CNTNAP2: variants seen among roughly 807,000 people sequenced by gnomAD.
CNTNAP2 encodes the protein contactin associated protein 2, also known as contactin-associated protein-like 2.
Under a neutral mutation model 155.2 loss-of-function variants are expected in CNTNAP2, and 98 were observed. The ratio of observed to expected loss-of-function variants is 0.63; its 90% CI spans 0.54 to 0.75. CNTNAP2 has a LOEUF of 0.75. Among genes scored for constraint, CNTNAP2 ranks in the 30% least tolerant of loss-of-function variants. CNTNAP2 has a pLI of 0.00. For synonymous variants in CNTNAP2, 651 were observed against 631.2 expected (o/e 1.03, Z -0.47); for missense variants, 1,727 against 1,688.1 (o/e 1.02, Z -0.40).
chr7:146,376,649 A>G (rs1795308030), intron 1 of CNTNAP2, among the ~76,000 whole-genome samples: 1 of 152,120 alleles, frequency 6.6e-6, no homozygotes. Context: ...TATATTTCTC[A>G]TGCCCCATGA....
At chr7:148,391,129 TAAAG>T (rs1245771590) in intron 22 of CNTNAP2, among the ~76,000 whole-genome samples, 1 of 152,178 alleles carries the variant, frequency 6.6e-6, no homozygotes, top group Non-Finnish European at 1.5e-5. Flanking sequence ...TACCTTATAA[TAAAG>T]AGAGAACAGG....
chr7:147,624,742 A>T (rs1322548781), intron 12 of CNTNAP2, among the ~76,000 whole-genome samples: 1 of 152,206 alleles, frequency 6.6e-6, no homozygotes, highest in Non-Finnish European at 1.5e-5. Context: ...TGATCCAGCA[A>T]TCCTACTGAT....
chr7:146,741,633 G>A (rs1396634048), intron 1 of CNTNAP2, among the ~76,000 whole-genome samples: 9 of 152,134 alleles, frequency 5.9e-5, no homozygotes, highest in Admixed American at 3.3e-4. Flanking sequence ...GGGAATTTTC[G>A]ATGGGAAAAT....
At chr7:148,306,380 G>T (rs1454457751) in intron 21 of CNTNAP2, among the ~76,000 whole-genome samples, 1 of 152,006 alleles carries the variant, frequency 6.6e-6, no homozygotes, top group African/African-American at 2.4e-5. Context: ...AGATTTTGGG[G>T]GACAATTTCT....
intron 14 of CNTNAP2, among the ~76,000 whole-genome samples, chr7:147,943,867 T>C (rs1444617410): frequency 2.7e-5 from 4 of 148,552 alleles, no homozygotes; most frequent in Non-Finnish European, 5.9e-5. Flanking sequence ...GCTCATAATA[T>C]TGAACAAAAA....
Position 147,108,292 on chromosome 7 carries a change from A to C in CNTNAP2, c.696A>C (p.Gln232His). ...TAATCCTGCACGGAGAAGGACAGCA[A>C]GGAGATTACATTACCTTGGAACTGA... ...EGVILHGEGQQGDYITLELKK... is the reference protein window; with the variant it reads ...EGVILHGEGQHGDYITLELKK... Residue 232 changes from glutamine (Q) to histidine (H), a missense_variant, in exon 5 of 24, where the codon CAA becomes CAC. Coordinates refer to ENST00000361727, the MANE Select transcript of CNTNAP2 (RefSeq NM_014141.6). 1 of 1,613,806 alleles carries C rather than the reference A, an allele frequency of 6.2e-7. No homozygotes were observed. Among genetic ancestry groups the C allele is most frequent in the Non-Finnish European group, 8.5e-7 (1 of 1,179,786 alleles).
intron 1 of CNTNAP2, among the ~76,000 whole-genome samples, chr7:146,730,769 C>T (rs1038166777): frequency 6.6e-6 from 1 of 152,168 alleles, no homozygotes; most frequent in Non-Finnish European, 1.5e-5. Context: ...AATTCTCTCA[C>T]TTAGTGAAAT....
intron 22 of CNTNAP2, among the ~76,000 whole-genome samples, chr7:148,404,354 G>C (rs1370530972): frequency 6.6e-6 from 1 of 152,214 alleles, no homozygotes; most frequent in Non-Finnish European, 1.5e-5. Flanking sequence ...TCAGGAAAGT[G>C]GTAAGATCTG....
At chr7:148,098,444 GAAAAAAAAA>G (rs61014019) in intron 15 of CNTNAP2, among the ~76,000 whole-genome samples, 25 of 56,410 alleles carry the variant, frequency 4.4e-4, no homozygotes, top group African/African-American at 8.8e-4. Context: ...CTCTGTCTCA[GAAAAAAAAA>G]AAAAAAAAAA....
At chr7:147,720,813 A>G (rs757419826) in intron 13 of CNTNAP2, among the ~76,000 whole-genome samples, 6 of 151,970 alleles carry the variant, frequency 3.9e-5, no homozygotes, top group Non-Finnish European at 5.9e-5. Flanking sequence ...TCTTTCCTTT[A>G]TAAATTATCA....
chr7:147,892,586 C>T lies in CNTNAP2; in HGVS notation c.2099-10979C>T, dbSNP rs565930586. On this transcript the variant is annotated intron_variant, in intron 13 of 23. Coordinates refer to ENST00000361727, the MANE Select transcript of CNTNAP2 (RefSeq NM_014141.6). ...AATTACAAACTCCCATATAATCTGT[C>T]ACTTAAATTCCATTCAAATTAATAA... Among the ~76,000 whole-genome samples the T allele has an allele frequency of 9.9e-5, 15 of 152,274 alleles. No homozygotes were observed. In the South Asian group the frequency reaches 3.1e-3, roughly 32 times the overall value.
intron 13 of CNTNAP2, among the ~76,000 whole-genome samples, chr7:147,788,433 T>G (rs1266330618): frequency 1.3e-5 from 2 of 152,186 alleles, no homozygotes; most frequent in African/African-American, 2.4e-5. Flanking sequence ...ATTTTCCAGA[T>G]AAGCTAACAA....
intron 14 of CNTNAP2, chr7:147,940,131 G>T (rs1021123372): frequency 6.6e-6 from 1 of 151,760 alleles, no homozygotes; most frequent in African/African-American, 2.4e-5. Context: ...TAAGTTTGGC[G>T]TCAATATGGT....
intron 2 of CNTNAP2, among the ~76,000 whole-genome samples, chr7:146,776,576 T>C (rs1233321234): frequency 6.6e-6 from 1 of 152,182 alleles, no homozygotes; most frequent in Non-Finnish European, 1.5e-5. Flanking sequence ...TGTAAAAGTG[T>C]CAATTATGGG....
At chr7:147,840,333 C>T (rs138107672) in intron 13 of CNTNAP2, among the ~76,000 whole-genome samples, 98 of 152,124 alleles carry the variant, frequency 6.4e-4, no homozygotes, top group African/African-American at 2.1e-3. Context: ...TTTTAAAAAA[C>T]GAAAACAAAA....
chr7:146,261,414 C>T (rs750492664), intron 1 of CNTNAP2, among the ~76,000 whole-genome samples: 24 of 151,606 alleles, frequency 1.6e-4, no homozygotes, highest in Non-Finnish European at 2.6e-4. Flanking sequence ...CATCTCTCAA[C>T]TCCCAACTAT....
rs993927542 is a variant in CNTNAP2 at position 147,028,969 on chromosome 7, T to C, written c.403-14938T>C. 8.3e-5 allele frequency among the ~76,000 whole-genome samples: 12 copies of C among 143,746 alleles called. 1 individual carries two copies. Among genetic ancestry groups the C allele is most frequent in the Admixed American group, 7.5e-4 (11 of 14,574 alleles). The allele number at this position is 143,746 out of a possible 152,430, so 94.3% of individuals were successfully genotyped here. Reference sequence around the variant, plus strand: ...AAAATAAGATATGTTCTTTTTTTTTTTTTTTTTTTTTTGAGACGGAGTCTC... The same window carrying C: ...AAAATAAGATATGTTCTTTTTTTTTCTTTTTTTTTTTTGAGACGGAGTCTC... On this transcript the variant is annotated intron_variant, in intron 3 of 23. Coordinates refer to ENST00000361727, the MANE Select transcript of CNTNAP2 (RefSeq NM_014141.6).
chr7:148,006,046 T>C (rs1020157724), intron 15 of CNTNAP2, among the ~76,000 whole-genome samples: 5 of 152,154 alleles, frequency 3.3e-5, no homozygotes, highest in African/African-American at 1.2e-4. Flanking sequence ...ATAGTCGTGA[T>C]CTTAGAAAAA....
chr7:148,156,397 G>A (rs1805398676), intron 17 of CNTNAP2, among the ~76,000 whole-genome samples: 1 of 152,062 alleles, frequency 6.6e-6, no homozygotes, highest in Non-Finnish European at 1.5e-5. Flanking sequence ...TCTTCCCACA[G>A]ATTCCACAGC....
Sources: allele counts gnomAD v4.1 joint callset (sites outside exome capture counted in the v4.1 genomes callset), GRCh38; gene constraint gnomAD v4.1.1; transcripts MANE v1.5; gene names NCBI Gene and HGNC (gene_info 2026-07-23, HGNC 2026-07-21).